GARNL3: variants seen among roughly 807,000 people sequenced by gnomAD.
GARNL3 encodes GTPase-activating Rap/Ran-GAP domain-like protein 3.
A neutral mutation model predicts 125.0 loss-of-function variants in GARNL3; 63 were observed. The ratio of observed to expected loss-of-function variants is 0.50; its 90% CI spans 0.41 to 0.62. GARNL3 has a LOEUF of 0.62. GARNL3 is among the 20% of genes least tolerant of loss of function. The probability of loss-of-function intolerance (pLI) is 0.00; values close to 1 mark genes in which losing one functional copy is unlikely to be tolerated. For missense variants in GARNL3, 994 were observed against 1,244.0 expected (o/e 0.80, Z 3.02); for synonymous variants, 439 against 457.5 (o/e 0.96, Z 0.52).
chr9:127,350,093 T>C (rs1830347394), intron 17 of GARNL3, among the ~76,000 whole-genome samples: 2 of 152,238 alleles, frequency 1.3e-5, no homozygotes, highest in Non-Finnish European at 2.9e-5. Context: ...TCATCTGTTA[T>C]TTTTGATATG....
At chr9:127,225,795 T>TCGCCCTGGCGC (rs2062899135) in intron 1 of GARNL3, among the ~76,000 whole-genome samples, 2 of 149,372 alleles carry the variant, frequency 1.3e-5, no homozygotes, top group African/African-American at 2.5e-5. Flanking sequence ...ACCTGCTGCC[T>TCGCCCTGGCGC]CCGCGGCCCC....
At chr9:127,355,532 C>A in intron 20 of GARNL3, 60 bp downstream of exon 20, 1 of 1,506,736 alleles carries the variant, frequency 6.6e-7, no homozygotes, top group South Asian at 1.1e-5. Context: ...CAGACTCTGT[C>A]CTTCCACCCA....
At chr9:127,311,268 TG>T (rs1168178246) in intron 2 of GARNL3, among the ~76,000 whole-genome samples, 1 of 149,712 alleles carries the variant, frequency 6.7e-6, no homozygotes, top group East Asian at 1.9e-4. Context: ...TACCAAAACA[TG>T]GATTAATTCT....
chr9:127,273,803 G>A (rs1317655728), intron 1 of GARNL3, among the ~76,000 whole-genome samples: 1 of 152,172 alleles, frequency 6.6e-6, no homozygotes, highest in East Asian at 1.9e-4. Context: ...TGAGAAGCTG[G>A]TTTGTTGTTA....
chr9:127,358,031 C>T (rs955938703), intron 21 of GARNL3, among the ~76,000 whole-genome samples: 1 of 152,050 alleles, frequency 6.6e-6, no homozygotes, highest in African/African-American at 2.4e-5. Context: ...GGCAGATTTG[C>T]CCTGAGAGTC....
chr9:127,327,407 C>T (rs935530736), intron 7 of GARNL3, among the ~76,000 whole-genome samples: 2 of 152,128 alleles, frequency 1.3e-5, no homozygotes, highest in African/African-American at 4.8e-5. Context: ...GAGAAGGTTT[C>T]TCTGAGGCAG....
chr9:127,243,837 T>A (rs147228398), intron 2 of GARNL3, among the ~76,000 whole-genome samples: 2 of 152,220 alleles, frequency 1.3e-5, no homozygotes, highest in Non-Finnish European at 1.5e-5. Flanking sequence ...GCCTTTGTTA[T>A]GGTGTATGAT....
At chr9:127,308,921 G>C (rs1477491007) in intron 2 of GARNL3, among the ~76,000 whole-genome samples, 1 of 152,192 alleles carries the variant, frequency 6.6e-6, no homozygotes, top group Non-Finnish European at 1.5e-5. Context: ...AAATGAGCCA[G>C]TGGGGTAAAA....
At chr9:127,313,947 G>A in intron 4 of GARNL3, among the ~76,000 whole-genome samples, 1 of 152,110 alleles carries the variant, frequency 6.6e-6, no homozygotes, top group East Asian at 1.9e-4. Context: ...AGACCTAATG[G>A]TCACAGAAGA....
chr9:127,278,982 A>G lies in GARNL3; in HGVS notation c.145-12186A>G, dbSNP rs2064032722. 2.6e-5 allele frequency among the ~76,000 whole-genome samples: 4 copies of G among 152,304 alleles called. No individual in the cohort carries two copies. The South Asian group carries it at 8.3e-4, about 32-fold the overall frequency. On this transcript the variant is annotated intron_variant, in intron 1 of 27. Transcript: ENST00000373387. ...TGGGATTTAAGTCCTACCTGAATCC[A>G]GTAGGACCTTATATCAACAAATTAC... is the stretch of plus-strand genomic sequence containing the variant.
At chr9:127,256,043 AAGGG>A (rs2063490074) in intron 2 of GARNL3, among the ~76,000 whole-genome samples, 3 of 152,226 alleles carry the variant, frequency 2.0e-5, no homozygotes, top group Admixed American at 2.0e-4. Context: ...GCAGGTGGTT[AAGGG>A]AGGTATGCCA....
At position 127,385,102 on chromosome 9, in the gene GARNL3, T is replaced by C; in HGVS notation, c.2345T>C (p.Val782Ala). Residue 782 changes from valine (V) to alanine (A), a missense_variant, in exon 24 of 28, where the codon GTC becomes GCC. Around this residue, in one of 5 missense-constraint regions of GARNL3, gnomAD observed 728 missense variants for 865.7 expected, o/e 0.84. Transcript: ENST00000373387. The surrounding 1 kb of genome is among the most constrained non-coding windows in gnomAD (Gnocchi z 4.1). ...CGCCTGGTGGTGAACGGGAACCTGG[T>C]CCACACTGCAGTCGTGCCGCAGCTG... ...EIRLVVNGNL[V>A]HTAVVPQLQL... 1 of 1,612,678 alleles carries C rather than the reference T, an allele frequency of 6.2e-7. No individual in the cohort carries two copies. The highest frequency in any genetic ancestry group is 1.1e-5 in the South Asian group (1 of 90,754).
At chr9:127,379,399 A>G (rs981015282) in intron 22 of GARNL3, among the ~76,000 whole-genome samples, 2 of 152,220 alleles carry the variant, frequency 1.3e-5, no homozygotes, top group Non-Finnish European at 2.9e-5. Context: ...GAATTTTAAT[A>G]TGCAAATTAT....
In GARNL3 at chr9:127,344,226, C is replaced by A; in HGVS notation, c.1252-9C>A. On this transcript the variant is annotated splice_polypyrimidine_tract_variant and intron_variant, in intron 14 of 27. Transcript: ENST00000373387. ...TTTGTGGAATTCATAACTTGTTTTT[C>A]TTTTTTAGAACATGCTTAATAGACG... 1 of 1,581,060 alleles carries A rather than the reference C, an allele frequency of 6.3e-7. No homozygotes were observed. The highest frequency in any genetic ancestry group is 8.6e-7 in the Non-Finnish European group (1 of 1,161,022).
At position 127,390,662 on chromosome 9, in the gene GARNL3, C is replaced by T. The variant is rs1832772546; in HGVS notation, c.2765C>T (p.Pro922Leu). The change falls in exon 27 of 28, where the codon CCC (proline) becomes CTC (leucine). Residue 922 changes from proline (P) to leucine (L), a missense_variant. By Grantham distance (98) the Pro-to-Leu change is moderately conservative. This residue lies in a region of GARNL3 where 728 missense variants were observed against 865.7 expected (regional missense o/e 0.84). Transcript: ENST00000373387. The part of the protein sequence containing the change: ...ELLGLSDEGG[P>L]KSEGAPKAKS... The stretch of plus-strand genomic sequence containing the variant: ...CCAGGCCTCTCGGATGAAGGTGGAC[C>T]CAAGTCAGAAGGAGCGCCAAAGGCC... 4 of 1,613,876 alleles carry T rather than the reference C, an allele frequency of 2.5e-6. No homozygotes were observed. The highest frequency in any genetic ancestry group is 3.4e-6 in the Non-Finnish European group (4 of 1,179,860).
intron 1 of GARNL3, among the ~76,000 whole-genome samples, chr9:127,265,709 C>G (rs1474648558): frequency 1.3e-5 from 2 of 152,098 alleles, no homozygotes; most frequent in East Asian, 3.8e-4. Context: ...CAGAAATGTG[C>G]TCATAAAATT....
At chr9:127,353,032 G>C (rs1346748306) in intron 17 of GARNL3, among the ~76,000 whole-genome samples, 1 of 152,112 alleles carries the variant, frequency 6.6e-6, no homozygotes, top group Non-Finnish European at 1.5e-5. Context: ...AACAGCCTTA[G>C]TAATTATTTT....
intron 16 of GARNL3, among the ~76,000 whole-genome samples, chr9:127,347,798 C>T (rs902780472): frequency 1.1e-4 from 17 of 152,288 alleles, no homozygotes; most frequent in Middle Eastern, 6.8e-3. Flanking sequence ...TTTCCATTTA[C>T]AAAATGTTGT....
intron 2 of GARNL3, among the ~76,000 whole-genome samples, chr9:127,297,853 ATT>A (rs578198254): frequency 5.1e-4 from 78 of 152,338 alleles, no homozygotes; most frequent in African/African-American, 1.8e-3. Flanking sequence ...GTCTATAGCA[ATT>A]TAAAACACAA....
Sources: gnomAD v4.1 joint callset for allele counts (sites outside exome capture counted in the v4.1 genomes callset) on GRCh38, gnomAD v4.1.1 for gene constraint, gnomAD v4.1.1 regional missense constraint, Gnocchi (gnomAD v3.1) non-coding constraint, MANE v1.5 for transcripts, NCBI Gene and HGNC (gene_info 2026-07-23, HGNC 2026-07-21) for gene names.